Variants in KREMEN2 observed in about 807,000 individuals in gnomAD.
The protein encoded by KREMEN2 is kremen protein 2.
KREMEN2 carries 43 observed loss-of-function variants against 49.8 expected under a neutral mutation model. The ratio of observed to expected loss-of-function variants is 0.86; its 90% CI spans 0.68 to 1.11. The LOEUF (loss-of-function observed/expected upper bound fraction) is 1.11. Among genes scored for constraint, KREMEN2 ranks in the 50% most tolerant of loss-of-function variants. The pLI, the probability that KREMEN2 is intolerant of heterozygous loss-of-function variation, is 0.00. For synonymous variants in KREMEN2, 355 were observed against 304.9 expected (o/e 1.16, Z -1.71); for missense variants, 686 against 665.7 (o/e 1.03, Z -0.34).
rs1356418610 is a variant in KREMEN2 at position 2,967,462 on chromosome 16, G to A, written c.1099+17G>A. 1.4e-6 allele frequency: 2 copies of A among 1,446,912 alleles called. No individual in the cohort carries two copies. The highest frequency in any genetic ancestry group is 2.7e-5 in the East Asian group (1 of 36,750). The allele number at this position is 1,446,912 out of a possible 1,614,324, so 89.6% of individuals were successfully genotyped here. A position where few individuals can be genotyped will look rare whatever the true frequency, so the allele number is the denominator to read the frequency against. The stretch of plus-strand genomic sequence containing the variant: ...CGATTGGGGGTGAGGCGGGCGCGCG[G>A]GACGGGAGTGAGTCAGGGAGCCGCC... On this transcript the variant is annotated intron_variant, in intron 7 of 8. Coordinates refer to ENST00000303746, the MANE Select transcript of KREMEN2 (RefSeq NM_172229.3).
chr16:2,965,849 GC>G (rs1390896673), intron 2 of KREMEN2, among the ~76,000 whole-genome samples: 1 of 151,890 alleles, frequency 6.6e-6, no homozygotes, highest in African/African-American at 2.4e-5. Context: ...AATACAGATG[GC>G]CTCAAAGTCC....
chr16:2,966,111 G>A lies in KREMEN2; in HGVS notation c.270-29G>A. 2 of 1,601,386 alleles carry A rather than the reference G, an allele frequency of 1.2e-6. No individual in the cohort carries two copies. The highest frequency in any genetic ancestry group is 1.7e-6 in the Non-Finnish European group (2 of 1,171,342). On this transcript the variant is annotated intron_variant, in intron 2 of 8. Transcript: ENST00000303746. This position sits in a 1 kb window ranked among gnomAD's most constrained non-coding sequence, Gnocchi z 8.4. Reference sequence around the variant, plus strand: ...GGGTTTGCTATTCTTGGGGTGGTGGGAGCCCCACCACCTCCCTCCCACCCG... The same window carrying A: ...GGGTTTGCTATTCTTGGGGTGGTGGAAGCCCCACCACCTCCCTCCCACCCG...
intron 2 of KREMEN2, among the ~76,000 whole-genome samples, chr16:2,965,762 C>T (rs772198676): frequency 2.1e-4 from 28 of 131,944 alleles, no homozygotes; most frequent in Admixed American, 3.7e-4. Flanking sequence ...CAGAGCGAGA[C>T]TCGTCTCAAA....
At position 2,967,440 on chromosome 16, in the gene KREMEN2, T is replaced by C. The variant is rs1052505107; in HGVS notation, c.1094T>C (p.Ile365Thr). ...SPRPGAPPAA[I>T]GARVFSTVTA... Reference sequence around the variant, plus strand: ...AGGCCTGGGGCTCCGCCGGCCGCGATTGGGGGTGAGGCGGGCGCGCGGGAC... The same window carrying C: ...AGGCCTGGGGCTCCGCCGGCCGCGACTGGGGGTGAGGCGGGCGCGCGGGAC... The change falls in exon 7 of 9, where the codon ATT becomes ACT. Residue 365 changes from isoleucine to threonine, a missense_variant. Physicochemically the swap from Ile to Thr is moderately conservative, Grantham distance 89. Transcript: ENST00000303746. 1.7e-5 allele frequency: 24 copies of C among 1,408,122 alleles called. No individual in the cohort carries two copies. Among genetic ancestry groups the C allele is most frequent in the African/African-American group, 9.2e-5 (6 of 65,470 alleles). 87.2% of individuals were successfully genotyped at this position (1,408,122 alleles called of 1,614,324 possible).
At position 2,967,885 on chromosome 16, in the gene KREMEN2, G is replaced by T; in HGVS notation, c.1254G>T (p.Val418=). ...ASRGPRRSWA[V]WYQQPRGVAL... ...GGGGCCCCAGGAGAAGCTGGGCTGT[G>T]TGGTACCAACAGCCCCGAGGGGTGG... The change falls in exon 9 of 9, where the codon GTG becomes GTT. Residue 418 remains valine (V), a synonymous_variant. Coordinates refer to ENST00000303746, the MANE Select transcript of KREMEN2 (RefSeq NM_172229.3). The T allele has an allele frequency of 6.4e-7, 1 of 1,557,412 alleles. No homozygotes were observed. The highest frequency in any genetic ancestry group is 8.7e-7 in the Non-Finnish European group (1 of 1,151,218).
At chr16:2,967,652 C>CTGGA (rs1295170043) in intron 8 of KREMEN2, 48 bp downstream of exon 8, 1 of 1,537,214 alleles carries the variant, frequency 6.5e-7, no homozygotes, top group Non-Finnish European at 8.7e-7. Flanking sequence ...TGGTGGGGAG[C>CTGGA]TGGAGCCCCA....
At position 2,967,416 on chromosome 16, in the gene KREMEN2, G is replaced by A. The variant is rs916103746; in HGVS notation, c.1070G>A (p.Arg357Lys). The A allele has an allele frequency of 1.4e-6, 2 of 1,401,918 alleles. No homozygotes were observed. The highest frequency in any genetic ancestry group is 1.5e-5 in the African/African-American group (1 of 65,484). 86.8% of individuals were successfully genotyped at this position (1,401,918 alleles called of 1,614,324 possible). Residue 357 changes from arginine (R) to lysine (K), a missense_variant, in exon 7 of 9, where the codon AGG becomes AAG. Coordinates refer to ENST00000303746, the MANE Select transcript of KREMEN2 (RefSeq NM_172229.3). ...LDGANVSCSP[R>K]PGAPPAAIGA... ...GGGGCCAACGTGAGCTGCAGCCCCA[G>A]GCCTGGGGCTCCGCCGGCCGCGATT... is the stretch of plus-strand genomic sequence containing the variant.
rs1263075518 is a variant in KREMEN2, at chr16:2,967,905, G to A, written c.1274G>A (p.Gly425Glu). ...SWAVWYQQPR[G>E]VALPCSPGDP... ...GCTGTGTGGTACCAACAGCCCCGAG[G>A]GGTGGCCTTGCCCTGCTCCCCCGGG... is the stretch of plus-strand genomic sequence containing the variant. Residue 425 changes from glycine (G) to glutamate (E), a missense_variant, in exon 9 of 9, where the codon GGG becomes GAG. Physicochemically the swap from Gly to Glu is moderately conservative, Grantham distance 98. Coordinates refer to ENST00000303746, the MANE Select transcript of KREMEN2 (RefSeq NM_172229.3). 6.4e-7 allele frequency: 1 copy of A among 1,564,928 alleles called. No individual in the cohort carries two copies. The highest frequency in any genetic ancestry group is 8.7e-7 in the Non-Finnish European group (1 of 1,155,736).
chr16:2,964,772 C>G (rs1400665889), intron 1 of KREMEN2, 87 bp from the exon 2 acceptor site: 2 of 1,509,234 alleles, frequency 1.3e-6, no homozygotes, highest in Admixed American at 1.9e-5. Flanking sequence ...GGGTCGCTGG[C>G]TGGGGACCCA....
Position 2,967,841 on chromosome 16 carries a change from C to G in KREMEN2, c.1210C>G (p.Pro404Ala). Residue 404 changes from proline to alanine, a missense_variant, in exon 9 of 9, where the codon CCG becomes GCG. Pro to Ala is a conservative substitution (Grantham distance 27). Transcript: ENST00000303746. ...TCTGCTGGCTCCGGGAAAAGGGCCC[C>G]CGGCGCTGGGGGCTTCCAGGGGCCC... ...SCLLAPGKGPPALGASRGPRR... is the reference protein window; with the variant it reads ...SCLLAPGKGPAALGASRGPRR... 6 of 1,551,548 alleles carry G rather than the reference C, an allele frequency of 3.9e-6. No homozygotes were observed. The highest frequency in any genetic ancestry group is 5.2e-6 in the Non-Finnish European group (6 of 1,147,810).
At position 2,964,388 on chromosome 16, in the gene KREMEN2, C is replaced by T; in HGVS notation, c.-133C>T. Reference sequence around the variant, plus strand: ...AGATTTACCCACCCCAGACGGAAAGCGCGGCTCAGAGTCGGACGAGGGGAG... The same window carrying T: ...AGATTTACCCACCCCAGACGGAAAGTGCGGCTCAGAGTCGGACGAGGGGAG... On this transcript the variant is annotated 5_prime_UTR_variant, in exon 1 of 9. Coordinates refer to ENST00000303746, the MANE Select transcript of KREMEN2 (RefSeq NM_172229.3). 1 of 627,692 alleles carries T rather than the reference C, an allele frequency of 1.6e-6. No individual in the cohort carries two copies. The allele number at this position is 627,692 out of a possible 1,614,324, so 38.9% of individuals were successfully genotyped here. A position where few individuals can be genotyped will look rare whatever the true frequency, so the allele number is the denominator to read the frequency against.
At chr16:2,965,539 G>A (rs1339355873) in intron 2 of KREMEN2, among the ~76,000 whole-genome samples, 1 of 152,216 alleles carries the variant, frequency 6.6e-6, no homozygotes, top group Non-Finnish European at 1.5e-5. Context: ...GGAGGCCAAG[G>A]CAGGCGGATC....
In KREMEN2 at chr16:2,967,402, G is replaced by C. The variant is rs1684365269; in HGVS notation, c.1056G>C (p.Val352=). ...TPAAPLDGAN[V]SCSPRPGAPP... ...CGGCGCCCCTCGACGGGGCCAACGT[G>C]AGCTGCAGCCCCAGGCCTGGGGCTC... The change falls in exon 7 of 9, where the codon GTG becomes GTC. Residue 352 remains valine, a synonymous_variant. Coordinates refer to ENST00000303746, the MANE Select transcript of KREMEN2 (RefSeq NM_172229.3). 1.4e-6 allele frequency: 2 copies of C among 1,399,372 alleles called. No homozygotes were observed. Among genetic ancestry groups the C allele is most frequent in the African/African-American group, 3.1e-5 (2 of 65,452 alleles). 86.7% of individuals were successfully genotyped at this position (1,399,372 alleles called of 1,614,324 possible).
chr16:2,965,380 A>G (rs1401816005), intron 2 of KREMEN2, among the ~76,000 whole-genome samples: 1 of 151,948 alleles, frequency 6.6e-6, no homozygotes, highest in Non-Finnish European at 1.5e-5. Context: ...CTTGTCATAC[A>G]ACTTATTTTG....
Position 2,968,272 on chromosome 16 carries a change from G to T in KREMEN2, c.*252G>T. 2 of 1,246,686 alleles carry T rather than the reference G, an allele frequency of 1.6e-6. No homozygotes were observed. Among genetic ancestry groups the T allele is most frequent in the South Asian group, 1.3e-5 (1 of 75,980 alleles). The allele number at this position is 1,246,686 out of a possible 1,614,324, so 77.2% of individuals were successfully genotyped here. Reference sequence around the variant, plus strand: ...GTGGTCTCTGGTTTCGGAGGTCTTTGAACCCCTCTGGGGGTGGTCCTGGAC... The same window carrying T: ...GTGGTCTCTGGTTTCGGAGGTCTTTTAACCCCTCTGGGGGTGGTCCTGGAC... On this transcript the variant is annotated 3_prime_UTR_variant, in exon 9 of 9. Coordinates refer to ENST00000303746, the MANE Select transcript of KREMEN2 (RefSeq NM_172229.3).
Position 2,966,373 on chromosome 16 carries a change from TCAGCGGCCC to T in KREMEN2, c.418_426del (p.Pro140_Gly142del). ...GTGGACTCAGGGGCACCCCCAGCCC[TCAGCGGCCC>T]CAGCGGCACCTCCACGAAGCTCACG... On this transcript the variant is annotated inframe_deletion, in exon 4 of 9. Transcript: ENST00000303746. The surrounding 1 kb of genome is among the most constrained non-coding windows in gnomAD (Gnocchi z 8.4). The T allele has an allele frequency of 1.2e-6, 2 of 1,611,652 alleles. No homozygotes were observed. The highest frequency in any genetic ancestry group is 1.3e-5 in the African/African-American group (1 of 74,952).
rs1309666125 is a variant in KREMEN2 at position 2,968,071 on chromosome 16, G to C, written c.*51G>C. The C allele has an allele frequency of 4.0e-6, 6 of 1,493,828 alleles. No individual in the cohort carries two copies. Among genetic ancestry groups the C allele is most frequent in the Non-Finnish European group, 5.4e-6 (6 of 1,109,778 alleles). The allele number at this position is 1,493,828 out of a possible 1,614,324, so 92.5% of individuals were successfully genotyped here. On this transcript the variant is annotated 3_prime_UTR_variant, in exon 9 of 9. Coordinates refer to ENST00000303746, the MANE Select transcript of KREMEN2 (RefSeq NM_172229.3). Reference sequence around the variant, plus strand: ...CCCGCCGCCGGCGAGATGGACACCTGAGATGCTGTGCTGCGCCCTGCCTCG... The same window carrying C: ...CCCGCCGCCGGCGAGATGGACACCTCAGATGCTGTGCTGCGCCCTGCCTCG...
At chr16:2,965,417 A>G (rs979645784) in intron 2 of KREMEN2, among the ~76,000 whole-genome samples, 1 of 152,136 alleles carries the variant, frequency 6.6e-6, no homozygotes, top group African/African-American at 2.4e-5. Flanking sequence ...CTACGGTCTG[A>G]GGCAGGATGG....
rs1157798450 is a variant in KREMEN2 at position 2,966,717 on chromosome 16, G to A, written c.562G>A (p.Ala188Thr). 3.7e-6 allele frequency: 6 copies of A among 1,611,494 alleles called. No individual in the cohort carries two copies. The highest frequency in any genetic ancestry group is 1.6e-4 in the Middle Eastern group (1 of 6,084). Residue 188 changes from alanine (A) to threonine (T), a missense_variant, in exon 5 of 9, where the codon GCC (alanine) becomes ACC (threonine). Transcript: ENST00000303746. The surrounding 1 kb of genome is among the most constrained non-coding windows in gnomAD (Gnocchi z 8.4). ...CCTGGCCCGGGGACGCCTGGCCCCC[G>A]CCACCGACTGTGACCAGATCTGTTT... ...SDLARGRLAP[A>T]TDCDQICFGH... is the part of the protein sequence containing the mutation.
Sources: allele counts gnomAD v4.1 joint callset (sites outside exome capture counted in the v4.1 genomes callset), GRCh38; gene constraint gnomAD v4.1.1; non-coding constraint Gnocchi (gnomAD v3.1); transcripts MANE v1.5; gene names NCBI Gene and HGNC (gene_info 2026-07-23, HGNC 2026-07-21).